Variants in CPA6 observed in about 807,000 individuals in gnomAD.
CPA6 encodes carboxypeptidase B.
In CPA6, 58 loss-of-function variants were observed where a neutral mutation model predicts 63.3. The ratio of observed to expected loss-of-function variants is 0.92; its 90% confidence interval spans 0.74 to 1.14. CPA6 has a LOEUF of 1.14. Ranked by LOEUF, CPA6 falls within the 50% of genes most tolerant of loss-of-function variation. CPA6 has a pLI of 0.00. For missense variants in CPA6, 565 were observed against 526.6 expected, an observed-to-expected ratio of 1.07 and a Z score of -0.71; for synonymous variants, 185 against 179.0, an observed-to-expected ratio of 1.03 and a Z score of -0.27.
chr8:67,605,509 GT>G (rs1272021520), intron 2 of CPA6, among the ~76,000 whole-genome samples: 2 of 136,878 alleles, frequency 1.5e-5, no homozygotes, highest in Admixed American at 1.5e-4. Context: ...TTAAAAATTT[GT>G]ATTTTTGTAT....
At chr8:67,445,041 G>T (rs1346956742) in intron 8 of CPA6, among the ~76,000 whole-genome samples, 1 of 152,094 alleles carries the variant, frequency 6.6e-6, no homozygotes, top group Non-Finnish European at 1.5e-5. Context: ...TTTTGCTTTA[G>T]AAAAGTTAGT....
intron 1 of CPA6, among the ~76,000 whole-genome samples, chr8:67,713,123 A>ATG (rs1817306486): frequency 1.5e-5 from 2 of 131,080 alleles, no homozygotes; most frequent in Non-Finnish European, 3.2e-5. Flanking sequence ...ATATATATAT[A>ATG]TATATATATA....
At chr8:67,651,252 T>A (rs902898475) in intron 1 of CPA6, among the ~76,000 whole-genome samples, 3 of 152,140 alleles carry the variant, frequency 2.0e-5, no homozygotes, top group Non-Finnish European at 4.4e-5. Context: ...GTAGGACTTT[T>A]TAATGTGTAA....
intron 1 of CPA6, among the ~76,000 whole-genome samples, chr8:67,740,233 G>A (rs1449691403): frequency 1.3e-5 from 2 of 152,166 alleles, no homozygotes; most frequent in African/African-American, 4.8e-5. Context: ...GGGAAAAGGG[G>A]GACTTTTGCC....
At chr8:67,584,112 C>A (rs1871829) in intron 2 of CPA6, among the ~76,000 whole-genome samples, 1 of 151,932 alleles carries the variant, frequency 6.6e-6, no homozygotes, top group African/African-American at 2.4e-5. Flanking sequence ...GAGCTGAGAT[C>A]GCACCACAGC....
intron 8 of CPA6, among the ~76,000 whole-genome samples, chr8:67,481,918 C>T (rs923043732): frequency 6.6e-6 from 1 of 152,194 alleles, no homozygotes; most frequent in African/African-American, 2.4e-5. Flanking sequence ...AGGCTGCCTG[C>T]ACTTCCCCAT....
At chr8:67,527,687 A>G (rs986589189) in intron 2 of CPA6, among the ~76,000 whole-genome samples, 2 of 152,228 alleles carry the variant, frequency 1.3e-5, no homozygotes, top group Admixed American at 1.3e-4. Flanking sequence ...AAGGCTCTCA[A>G]TAATATAGCC....
rs901224374 is a variant in CPA6 at position 67,676,076 on chromosome 8, A to G, written c.117-51825T>C. On this transcript the variant is annotated intron_variant, in intron 1 of 10. Coordinates refer to ENST00000297770, the MANE Select transcript of CPA6 (RefSeq NM_020361.5). ...GCTAACAGTCACATTCCTAAATTAC[A>G]GTACTTTAGTTAGGATGTGACACAC... Among the ~76,000 whole-genome samples, 3 of 152,242 alleles carry G rather than the reference A, an allele frequency of 2.0e-5. No individual in the cohort carries two copies. The East Asian group carries it at 5.8e-4, about 29-fold the overall frequency.
chr8:67,470,912 C>T (rs1276177286), intron 8 of CPA6, among the ~76,000 whole-genome samples: 1 of 151,992 alleles, frequency 6.6e-6, no homozygotes, highest in Non-Finnish European at 1.5e-5. Context: ...TAAATATCTG[C>T]CCTTGATGAT....
At chr8:67,680,202 T>C (rs1249109241) in intron 1 of CPA6, among the ~76,000 whole-genome samples, 2 of 152,164 alleles carry the variant, frequency 1.3e-5, no homozygotes, top group African/African-American at 4.8e-5. Flanking sequence ...GGCAATGAAG[T>C]AACTGTATAA....
chr8:67,618,006 G>C lies in CPA6; in HGVS notation c.192+6170C>G, dbSNP rs568195135. On this transcript the variant is annotated intron_variant, in intron 2 of 10. Coordinates refer to ENST00000297770, the MANE Select transcript of CPA6 (RefSeq NM_020361.5). ...AGCTGGAGGAAACATCGATTTTAAA[G>C]GGCTCACTTGATTAGATCAGACCCA... Among the ~76,000 whole-genome samples the C allele has an allele frequency of 7.2e-5, 11 of 152,294 alleles. No individual in the cohort carries two copies. In the South Asian group the frequency reaches 2.3e-3, roughly 32 times the overall value.
intron 8 of CPA6, among the ~76,000 whole-genome samples, chr8:67,451,447 T>C (rs1810555959): frequency 6.6e-6 from 1 of 152,224 alleles, no homozygotes; most frequent in Admixed American, 6.5e-5. Context: ...TGGGACTGTC[T>C]AGTTTCAGGA....
intron 8 of CPA6, among the ~76,000 whole-genome samples, chr8:67,461,736 A>T (rs1253309073): frequency 2.0e-5 from 3 of 148,936 alleles, no homozygotes; most frequent in Admixed American, 6.6e-5. Flanking sequence ...GGCCGGGCAG[A>T]GGGGCGCCTC....
At position 67,740,367 on chromosome 8, in the gene CPA6, C is replaced by T. The variant is rs569240013; in HGVS notation, c.116+5647G>A. ...AGCTCAGAGAACATTCAAAGGAAGC[C>T]ACCATCAGGACATAAAAGAACACAA... On this transcript the variant is annotated intron_variant, in intron 1 of 10. Transcript: ENST00000297770. Among the ~76,000 whole-genome samples the T allele has an allele frequency of 9.8e-5, 15 of 152,296 alleles. No individual in the cohort carries two copies. In the South Asian group the frequency reaches 3.1e-3, roughly 32 times the overall value.
intron 8 of CPA6, chr8:67,452,652 G>T (rs1215390147): frequency 6.6e-6 from 1 of 152,208 alleles, no homozygotes; most frequent in Non-Finnish European, 1.5e-5. Flanking sequence ...AGTGGTGGTG[G>T]CGAGACAATA....
intron 2 of CPA6, among the ~76,000 whole-genome samples, chr8:67,539,649 T>C (rs1248044155): frequency 6.6e-6 from 1 of 152,224 alleles, no homozygotes; most frequent in Non-Finnish European, 1.5e-5. Context: ...AATGTAGGTT[T>C]GGTCTTTTCA....
chr8:67,743,799 C>T (rs1245746647), intron 1 of CPA6, among the ~76,000 whole-genome samples: 2 of 152,184 alleles, frequency 1.3e-5, no homozygotes, highest in African/African-American at 2.4e-5. Flanking sequence ...TATTCATGCT[C>T]AGGGTCCTGT....
intron 1 of CPA6, among the ~76,000 whole-genome samples, chr8:67,670,590 A>T (rs1016853442): frequency 1.3e-5 from 2 of 152,194 alleles, no homozygotes; most frequent in African/African-American, 4.8e-5. Context: ...CTGTCCTCAT[A>T]TCCAGTGTTT....
chr8:67,617,060 G>A (rs1004735752), intron 2 of CPA6, among the ~76,000 whole-genome samples: 16 of 152,180 alleles, frequency 1.1e-4, no homozygotes, highest in African/African-American at 3.6e-4. Context: ...TTGTTTAAAT[G>A]TCAAAACTTA....
Sources: gnomAD v4.1 joint callset for allele counts (sites outside exome capture counted in the v4.1 genomes callset) on GRCh38, gnomAD v4.1.1 for gene constraint, MANE v1.5 for transcripts, NCBI Gene and HGNC (gene_info 2026-07-23, HGNC 2026-07-21) for gene names.